ZNF107: variants seen among roughly 807,000 people sequenced by gnomAD.
ZNF107 encodes the protein C2H2 type zinc-finger protein.
A neutral mutation model predicts 12.3 loss-of-function variants in ZNF107; 19 were observed. The ratio of observed to expected loss-of-function variants is 1.55; its 90% CI spans 1.08 to 2.27. The LOEUF (loss-of-function observed/expected upper bound fraction) is 2.27. Ranked by LOEUF, ZNF107 falls within the 30% of genes most tolerant of loss-of-function variation. The pLI is 0.00. For missense variants in ZNF107, 958 were observed against 979.9 expected, an observed-to-expected ratio of 0.98 and a Z score of 0.30; for synonymous variants, 317 against 330.5, an observed-to-expected ratio of 0.96 and a Z score of 0.44.
At chr7:64,679,209 C>G in intron 1 of ZNF107, 2 of 984,908 alleles carry the variant, frequency 2.0e-6, no homozygotes, top group Non-Finnish European at 2.4e-6. Flanking sequence ...ATGCTGAAAT[C>G]CGGGATAGGG....
chr7:64,675,437 C>T (rs2128956980), intron 1 of ZNF107, among the ~76,000 whole-genome samples: 1 of 152,216 alleles, frequency 6.6e-6, no homozygotes, highest in East Asian at 1.9e-4. Context: ...TTTGTGGGGT[C>T]AGTGGTAATG....
chr7:64,691,985 A>G, intron 3 of ZNF107, 25 bp downstream of exon 3: 1 of 1,402,036 alleles, frequency 7.1e-7, no homozygotes. Context: ...AAGTGAATAC[A>G]ACAGATGACA....
At chr7:64,691,982 T>G in intron 3 of ZNF107, 22 bp downstream of exon 3, 8 of 1,390,444 alleles carry the variant, frequency 5.8e-6, no homozygotes, top group East Asian at 2.9e-5. Context: ...TGAAAGTGAA[T>G]ACAACAGATG....
intron 1 of ZNF107, among the ~76,000 whole-genome samples, chr7:64,676,005 C>A (rs1274731124): frequency 6.6e-6 from 1 of 152,122 alleles, no homozygotes; most frequent in South Asian, 2.1e-4. Context: ...GCATGCACCA[C>A]CACGCCCGGC....
At position 64,707,487 on chromosome 7, in the gene ZNF107, C is replaced by G; in HGVS notation, c.1390C>G (p.Gln464Glu). Residue 464 changes from glutamine to glutamate, a missense_variant, in exon 4 of 4, where the codon CAA (glutamine) becomes GAA (glutamate). By Grantham distance (29) the Gln-to-Glu change is conservative. Coordinates refer to ENST00000620827, the MANE Select transcript of ZNF107 (RefSeq NM_001282359.2). Reference sequence around the variant, plus strand: ...TGAAGAATGTGGCAAAGCTTTTAACCAACACTCAAACCTAATTAACCATAG... The same window carrying G: ...TGAAGAATGTGGCAAAGCTTTTAACGAACACTCAAACCTAATTAACCATAG... Reference protein sequence around the residue: ...KCEECGKAFNQHSNLINHRKI... With the variant: ...KCEECGKAFNEHSNLINHRKI... 1 of 1,613,242 alleles carries G rather than the reference C, an allele frequency of 6.2e-7. No individual in the cohort carries two copies. The highest frequency in any genetic ancestry group is 8.5e-7 in the Non-Finnish European group (1 of 1,179,636).
chr7:64,669,504 C>T (rs1789140301), intron 1 of ZNF107, among the ~76,000 whole-genome samples: 1 of 152,062 alleles, frequency 6.6e-6, no homozygotes, highest in African/African-American at 2.4e-5. Context: ...TTAAAATTTC[C>T]TTCCCTTGGT....
rs117477210 is a variant in ZNF107 at position 64,707,827 on chromosome 7, C to A, written c.1730C>A (p.Ser577Tyr). ...GAATGTGGAAAAGCCTTTAATCAATCCTATCAACTTACTAGACATAAGATA... is the reference window on the plus strand; with the variant it reads ...GAATGTGGAAAAGCCTTTAATCAATACTATCAACTTACTAGACATAAGATA... ...CEECGKAFNQ[S>Y]YQLTRHKIVH... Residue 577 changes from serine to tyrosine, a missense_variant, in exon 4 of 4, where the codon TCC becomes TAC. Transcript: ENST00000620827. 3.5e-4 allele frequency: 567 copies of A among 1,611,924 alleles called. 4 individuals carry two copies. In the East Asian group the frequency reaches 0.011, roughly 31 times the overall value.
intron 1 of ZNF107, among the ~76,000 whole-genome samples, chr7:64,667,459 T>A (rs1401294480): frequency 7.7e-6 from 1 of 130,544 alleles, no homozygotes; most frequent in Non-Finnish European, 1.8e-5. Flanking sequence ...CCTTTTATCT[T>A]CCCTAGGCGC....
intron 1 of ZNF107, 46 bp downstream of exon 1, chr7:64,666,331 T>C (rs950593956): frequency 8.5e-5 from 136 of 1,601,936 alleles, no homozygotes; most frequent in Non-Finnish European, 1.1e-4. Flanking sequence ...GAGGGGCTGG[T>C]TGGAACCGAT....
At chr7:64,672,059 T>G (rs994365158) in intron 1 of ZNF107, among the ~76,000 whole-genome samples, 10 of 152,126 alleles carry the variant, frequency 6.6e-5, no homozygotes. Context: ...GTGCTGGGAT[T>G]ACAGGAGTGA....
intron 1 of ZNF107, among the ~76,000 whole-genome samples, chr7:64,688,967 CCT>C (rs1790021651): frequency 6.6e-6 from 1 of 152,056 alleles, no homozygotes; most frequent in Non-Finnish European, 1.5e-5. Flanking sequence ...ACCCTCTTTC[CCT>C]CTCTTTTTGC....
At chr7:64,670,613 T>C (rs1789185053) in intron 1 of ZNF107, among the ~76,000 whole-genome samples, 1 of 152,188 alleles carries the variant, frequency 6.6e-6, no homozygotes, top group Non-Finnish European at 1.5e-5. Flanking sequence ...AAGAGTACCA[T>C]CTAAGTCATA....
intron 1 of ZNF107, chr7:64,684,437 T>C: frequency 2.9e-6 from 1 of 341,926 alleles, no homozygotes; most frequent in Non-Finnish European, 4.1e-6. Context: ...TTCCTGGTCG[T>C]TTATGGTACC....
Position 64,691,949 on chromosome 7 carries a change from C to G in ZNF107, c.215C>G (p.Ala72Gly), listed in dbSNP as rs774023776. The change falls in exon 3 of 4, where the codon GCC becomes GGC. Residue 72 changes from alanine to glycine, a missense_variant. Transcript: ENST00000620827. ...PWNIKRHEMV[A>G]KPPVMSFHFA... is the part of the protein sequence containing the mutation. ...AATATAAAAAGACATGAGATGGTAGCCAAACCCCCAGGTAGGTGAGAGTGA... is the reference window on the plus strand; with the variant it reads ...AATATAAAAAGACATGAGATGGTAGGCAAACCCCCAGGTAGGTGAGAGTGA... 5 of 1,515,174 alleles carry G rather than the reference C, an allele frequency of 3.3e-6. No individual in the cohort carries two copies. In the African/African-American group the frequency reaches 5.7e-5, roughly 17 times the overall value. The allele number at this position is 1,515,174 out of a possible 1,614,324, so 93.9% of individuals were successfully genotyped here.
intron 1 of ZNF107, among the ~76,000 whole-genome samples, chr7:64,680,297 GAATTTC>G: frequency 6.6e-6 from 1 of 152,080 alleles, no homozygotes; most frequent in Non-Finnish European, 1.5e-5. Flanking sequence ...ATATATCCAG[GAATTTC>G]AATATTTAAC....
intron 1 of ZNF107, among the ~76,000 whole-genome samples, chr7:64,677,915 G>T (rs1789489120): frequency 6.7e-6 from 1 of 150,034 alleles, no homozygotes; most frequent in Non-Finnish European, 1.5e-5. Context: ...AGACCTGTCT[G>T]TTGTAGGAGA....
intron 1 of ZNF107, chr7:64,689,752 A>G (rs1268249022): frequency 6.6e-6 from 1 of 152,216 alleles, no homozygotes; most frequent in African/African-American, 2.4e-5. Flanking sequence ...CATCTTTGAG[A>G]TATTTGAGGA....
intron 1 of ZNF107, among the ~76,000 whole-genome samples, chr7:64,667,425 TAA>T (rs35912337): frequency 6.6e-6 from 1 of 151,600 alleles, no homozygotes; most frequent in Non-Finnish European, 1.5e-5. Flanking sequence ...CACTGTATTG[TAA>T]AAAAAAGTCT....
At chr7:64,703,248 T>A (rs184453139) in intron 3 of ZNF107, among the ~76,000 whole-genome samples, 1 of 152,358 alleles carries the variant, frequency 6.6e-6, no homozygotes, top group Admixed American at 6.5e-5. Flanking sequence ...CAACTATGAA[T>A]TAACCATATT....
Sources: gnomAD v4.1 joint callset for allele counts (sites outside exome capture counted in the v4.1 genomes callset) on GRCh38, gnomAD v4.1.1 for gene constraint, MANE v1.5 for transcripts, NCBI Gene and HGNC (gene_info 2026-07-23, HGNC 2026-07-21) for gene names.